The following UNC5D variants were observed in gnomAD, a reference collection of about 807,000 sequenced individuals.
UNC5D encodes the protein netrin receptor UNC5D.
UNC5D carries 39 observed loss-of-function variants against 105.4 expected under a neutral mutation model. The observed-to-expected ratio is 0.37, with a 90% CI of 0.29 to 0.48. The LOEUF (loss-of-function observed/expected upper bound fraction) is 0.48. Ranked by LOEUF, UNC5D falls within the 20% of genes least tolerant of loss-of-function variation. The pLI is 0.98. For synonymous variants in UNC5D, 452 were observed against 450.4 expected, an observed-to-expected ratio of 1.00 and a Z score of -0.04; for missense variants, 991 against 1,202.4, an observed-to-expected ratio of 0.82 and a Z score of 2.60.
intron 3 of UNC5D, among the ~76,000 whole-genome samples, chr8:35,569,536 C>G (rs1015807360): frequency 6.6e-6 from 1 of 152,216 alleles, no homozygotes; most frequent in Non-Finnish European, 1.5e-5. Flanking sequence ...TGGGGAGGCC[C>G]TCTCCTGGGT....
intron 1 of UNC5D, among the ~76,000 whole-genome samples, chr8:35,292,395 C>T (rs1043651892): frequency 2.6e-5 from 4 of 152,200 alleles, no homozygotes; most frequent in Non-Finnish European, 5.9e-5. Flanking sequence ...GAGCATGCTG[C>T]ATATTCAGAA....
chr8:35,436,235 T>A (rs1276266101), intron 1 of UNC5D, among the ~76,000 whole-genome samples: 1 of 152,076 alleles, frequency 6.6e-6, no homozygotes, highest in Non-Finnish European at 1.5e-5. Flanking sequence ...ATTCTAACAA[T>A]ATTTTGATTA....
At chr8:35,413,229 C>T (rs1805290436) in intron 1 of UNC5D, among the ~76,000 whole-genome samples, 1 of 149,492 alleles carries the variant, frequency 6.7e-6, no homozygotes, top group African/African-American at 2.5e-5. Flanking sequence ...GCACCCCTCT[C>T]AGAATTCCTA....
At chr8:35,477,535 C>A (rs543135224) in intron 1 of UNC5D, among the ~76,000 whole-genome samples, 1 of 152,102 alleles carries the variant, frequency 6.6e-6, no homozygotes, top group South Asian at 2.1e-4. Flanking sequence ...AAGAATTATT[C>A]TTGAATTAGT....
intron 11 of UNC5D, among the ~76,000 whole-genome samples, chr8:35,734,125 A>C (rs1829334926): frequency 6.6e-6 from 1 of 152,046 alleles, no homozygotes; most frequent in Non-Finnish European, 1.5e-5. Context: ...GAAGATATTT[A>C]GTGATGCTGT....
At chr8:35,250,936 T>C (rs1803654209) in intron 1 of UNC5D, among the ~76,000 whole-genome samples, 1 of 152,206 alleles carries the variant, frequency 6.6e-6, no homozygotes, top group South Asian at 2.1e-4. Context: ...TTTCTGTTTC[T>C]GAATTAATTT....
At chr8:35,305,811 TTC>T (rs1398737726) in intron 1 of UNC5D, among the ~76,000 whole-genome samples, 1 of 149,876 alleles carries the variant, frequency 6.7e-6, no homozygotes, top group Non-Finnish European at 1.5e-5. Flanking sequence ...TTTTCTTTCT[TTC>T]TCTCTTTTTC....
intron 1 of UNC5D, among the ~76,000 whole-genome samples, chr8:35,393,067 G>A (rs1031309618): frequency 6.7e-6 from 1 of 150,166 alleles, no homozygotes; most frequent in African/African-American, 2.5e-5. Flanking sequence ...TGAGGACCTG[G>A]GAAACCTACT....
intron 2 of UNC5D, among the ~76,000 whole-genome samples, chr8:35,558,126 CAAAAAAAA>C (rs34368244): frequency 1.2e-5 from 1 of 84,212 alleles, no homozygotes; most frequent in East Asian, 4.1e-4. Flanking sequence ...AACTTCGTCT[CAAAAAAAA>C]AAAAAAAAAA....
chr8:35,636,147 AG>A (rs1822357208), intron 4 of UNC5D, among the ~76,000 whole-genome samples: 1 of 152,198 alleles, frequency 6.6e-6, no homozygotes, highest in Non-Finnish European at 1.5e-5. Flanking sequence ...GTGATTATGC[AG>A]GAGGTACTGA....
intron 4 of UNC5D, among the ~76,000 whole-genome samples, chr8:35,623,393 T>G (rs1230304443): frequency 6.6e-6 from 1 of 152,206 alleles, no homozygotes; most frequent in Non-Finnish European, 1.5e-5. Context: ...ATTTTATTTT[T>G]ATTATTTTTT....
chr8:35,445,615 A>C (rs1224975845), intron 1 of UNC5D, among the ~76,000 whole-genome samples: 1 of 152,072 alleles, frequency 6.6e-6, no homozygotes, highest in African/African-American at 2.4e-5. Context: ...GGTGAGCTTT[A>C]AACTTGATAA....
intron 1 of UNC5D, among the ~76,000 whole-genome samples, chr8:35,308,284 A>T (rs1321430853): frequency 6.6e-6 from 1 of 151,936 alleles, no homozygotes; most frequent in East Asian, 1.9e-4. Context: ...GTGTGACCAA[A>T]TTCTCATGGG....
At chr8:35,282,568 A>G (rs1332139677) in intron 1 of UNC5D, among the ~76,000 whole-genome samples, 3 of 152,182 alleles carry the variant, frequency 2.0e-5, no homozygotes, top group Admixed American at 6.5e-5. Context: ...CAACTTTATG[A>G]TACCAAAATT....
At chr8:35,568,569 G>A (rs538265636) in intron 3 of UNC5D, among the ~76,000 whole-genome samples, 28 of 152,242 alleles carry the variant, frequency 1.8e-4, no homozygotes, top group Admixed American at 1.5e-3. Flanking sequence ...TGCGTCTGTC[G>A]TCCCAGCTAC....
At chr8:35,648,925 AAC>A (rs908772958) in intron 4 of UNC5D, among the ~76,000 whole-genome samples, 13 of 152,122 alleles carry the variant, frequency 8.5e-5, no homozygotes, top group Non-Finnish European at 1.9e-4. Context: ...TGAAATATCT[AAC>A]ACTGATTTAG....
At chr8:35,412,040 GTA>G (rs1805209619) in intron 1 of UNC5D, among the ~76,000 whole-genome samples, 1 of 152,018 alleles carries the variant, frequency 6.6e-6, no homozygotes, top group Non-Finnish European at 1.5e-5. Context: ...TGAAGAAAGT[GTA>G]TGTGCTGTTG....
chr8:35,590,911 T>C (rs1469172850), intron 3 of UNC5D, among the ~76,000 whole-genome samples: 1 of 152,150 alleles, frequency 6.6e-6, no homozygotes, highest in Non-Finnish European at 1.5e-5. Flanking sequence ...TTCATACCAT[T>C]GGTTATGCAT....
At chr8:35,369,908 A>C (rs1327427038) in intron 1 of UNC5D, among the ~76,000 whole-genome samples, 3 of 151,530 alleles carry the variant, frequency 2.0e-5, no homozygotes, top group Non-Finnish European at 4.4e-5. Context: ...CCACCCACTT[A>C]TTTTCTGTGT....
Sources: allele counts gnomAD v4.1 joint callset (sites outside exome capture counted in the v4.1 genomes callset), GRCh38; gene constraint gnomAD v4.1.1; transcripts MANE v1.5; gene names NCBI Gene and HGNC (gene_info 2026-07-23, HGNC 2026-07-21).